The following DIS3L2 variants were observed in gnomAD, a reference collection of about 807,000 sequenced individuals.
The protein encoded by DIS3L2 is DIS3-like exonuclease 2.
Under a neutral mutation model 97.5 loss-of-function variants are expected in DIS3L2, and 34 were observed. That is an observed-to-expected ratio of 0.35 (90% confidence interval 0.27 to 0.46). DIS3L2 has a LOEUF of 0.46. Among genes scored for constraint, DIS3L2 ranks in the 20% least tolerant of loss-of-function variants. The pLI is 1.00. For missense variants in DIS3L2, 1,038 were observed against 1,146.0 expected (o/e 0.91, Z 1.36); for synonymous variants, 435 against 445.2 (o/e 0.98, Z 0.29).
At chr2:232,317,158 G>A (rs1268856100) in intron 14 of DIS3L2, among the ~76,000 whole-genome samples, 1 of 152,214 alleles carries the variant, frequency 6.6e-6, no homozygotes, top group Non-Finnish European at 1.5e-5. Flanking sequence ...GAGAATGTGT[G>A]TGAAAGGCTT....
At chr2:232,157,889 G>A (rs1333659592) in intron 8 of DIS3L2, among the ~76,000 whole-genome samples, 5 of 152,320 alleles carry the variant, frequency 3.3e-5, no homozygotes, top group Non-Finnish European at 4.4e-5. Flanking sequence ...ATACACGGGC[G>A]CAGGCCATCC....
At chr2:232,271,783 T>G (rs1694013327) in intron 13 of DIS3L2, among the ~76,000 whole-genome samples, 1 of 152,130 alleles carries the variant, frequency 6.6e-6, no homozygotes, top group Non-Finnish European at 1.5e-5. Context: ...TCCCTGAGCT[T>G]TGGGGAGAAC....
At chr2:232,136,872 T>A in intron 8 of DIS3L2, 153 bp downstream of exon 8, 1 of 950,802 alleles carries the variant, frequency 1.1e-6, no homozygotes, top group Non-Finnish European at 1.5e-6. Flanking sequence ...AAGTCACTCT[T>A]AGCTGCCACC....
In DIS3L2 at chr2:232,132,259, T is replaced by C. The variant is rs533223686; in HGVS notation, c.702+1540T>C. ...GCACTTGCCTGCGAAACTTATGCTA[T>C]GGTAGAGTCATTTCCATGACAATTA... On this transcript the variant is annotated intron_variant, in intron 7 of 20. Coordinates refer to ENST00000325385, the MANE Select transcript of DIS3L2 (RefSeq NM_152383.5). Among the ~76,000 whole-genome samples the C allele has an allele frequency of 2.3e-3, 347 of 152,314 alleles. 4 individuals are homozygous for C. Among genetic ancestry groups the C allele is most frequent in the African/African-American group, 8.2e-3 (340 of 41,562 alleles).
chr2:232,122,749 G>GACA (rs374604424), intron 6 of DIS3L2, among the ~76,000 whole-genome samples: 19 of 151,926 alleles, frequency 1.3e-4, no homozygotes, highest in East Asian at 5.8e-4. Flanking sequence ...AACTCCAAGA[G>GACA]ACAACAACAA....
In DIS3L2 at chr2:232,092,804, G is replaced by A. The variant is rs533963599; in HGVS notation, c.601+5083G>A. ...ATAGTTTTTTGGTGAAGTCTTTAGG[G>A]TTTTCCAAATATAAGATCATACCAT... On this transcript the variant is annotated intron_variant, in intron 6 of 20. Coordinates refer to ENST00000325385, the MANE Select transcript of DIS3L2 (RefSeq NM_152383.5). Among the ~76,000 whole-genome samples the A allele has an allele frequency of 2.6e-5, 4 of 152,182 alleles. No individual in the cohort carries two copies. In the South Asian group the frequency reaches 6.2e-4, roughly 24 times the overall value.
chr2:232,136,923 C>A (rs1698376418), intron 8 of DIS3L2, among the ~76,000 whole-genome samples: 1 of 152,208 alleles, frequency 6.6e-6, no homozygotes, highest in Non-Finnish European at 1.5e-5. Flanking sequence ...ACCAGGCAGT[C>A]ACATTCTTGT....
intron 9 of DIS3L2, among the ~76,000 whole-genome samples, chr2:232,192,781 A>G (rs1489628201): frequency 6.6e-6 from 1 of 152,172 alleles, no homozygotes; most frequent in Non-Finnish European, 1.5e-5. Context: ...TGCATTAATT[A>G]AGACTTTTTT....
At chr2:232,088,313 G>A (rs972434103) in intron 6 of DIS3L2, among the ~76,000 whole-genome samples, 4 of 150,752 alleles carry the variant, frequency 2.7e-5, no homozygotes, top group Non-Finnish European at 5.9e-5. Context: ...TTGGGAGGCC[G>A]AGGTGGGCGG....
chr2:232,160,166 A>G (rs1690609262), intron 8 of DIS3L2, among the ~76,000 whole-genome samples: 1 of 152,192 alleles, frequency 6.6e-6, no homozygotes, highest in African/African-American at 2.4e-5. Flanking sequence ...TCTTTATTCT[A>G]GAAGAGTTTA....
chr2:232,339,737 A>C (rs774572959), downstream of DIS3L2: 2 of 455,800 alleles, frequency 4.4e-6, no homozygotes, highest in Admixed American at 4.7e-5. Context: ...TGGACGAGAG[A>C]GCCGGGCCTG....
intron 6 of DIS3L2, among the ~76,000 whole-genome samples, chr2:232,098,045 A>G (rs562473320): frequency 1.3e-5 from 2 of 152,272 alleles, no homozygotes; most frequent in Admixed American, 1.3e-4. Flanking sequence ...TAGAAATGTC[A>G]TCAGTGGAAA....
chr2:232,062,922 C>G (rs957605372), intron 5 of DIS3L2, among the ~76,000 whole-genome samples: 2 of 152,096 alleles, frequency 1.3e-5, no homozygotes, highest in Non-Finnish European at 2.9e-5. Flanking sequence ...TAACACAACA[C>G]CATAGGGTTT....
chr2:232,148,257 C>A (rs1433906440), intron 8 of DIS3L2, among the ~76,000 whole-genome samples: 1 of 152,022 alleles, frequency 6.6e-6, no homozygotes, highest in Non-Finnish European at 1.5e-5. Flanking sequence ...CCATGTTGGC[C>A]AGGATAGTCT....
chr2:232,035,101 T>TA (rs1282766557), intron 5 of DIS3L2, among the ~76,000 whole-genome samples: 2 of 152,202 alleles, frequency 1.3e-5, no homozygotes, highest in Non-Finnish European at 2.9e-5. Flanking sequence ...AGTGGGGTGT[T>TA]AAAGTCTCCC....
At chr2:232,137,538 T>C (rs1295657468) in intron 8 of DIS3L2, among the ~76,000 whole-genome samples, 1 of 152,214 alleles carries the variant, frequency 6.6e-6, no homozygotes, top group Non-Finnish European at 1.5e-5. Context: ...TTGTTGGTCA[T>C]CTAACTTGTA....
At chr2:232,183,051 A>G (rs1224143893) in intron 9 of DIS3L2, among the ~76,000 whole-genome samples, 1 of 152,202 alleles carries the variant, frequency 6.6e-6, no homozygotes, top group Non-Finnish European at 1.5e-5. Context: ...TAGAGCCCTC[A>G]TGAACGGGAT....
intron 10 of DIS3L2, among the ~76,000 whole-genome samples, chr2:232,229,397 G>A (rs767589118): frequency 2.6e-5 from 4 of 152,150 alleles, no homozygotes; most frequent in African/African-American, 7.2e-5. Context: ...GGGCTTCACT[G>A]TCTTTTGGCT....
intron 8 of DIS3L2, among the ~76,000 whole-genome samples, chr2:232,160,713 C>T (rs370028667): frequency 6.6e-6 from 1 of 151,760 alleles, no homozygotes; most frequent in South Asian, 2.1e-4. Context: ...CCCATCTCTA[C>T]AAAAAATACA....
Sources: allele counts gnomAD v4.1 joint callset (sites outside exome capture counted in the v4.1 genomes callset), GRCh38; gene constraint gnomAD v4.1.1; transcripts MANE v1.5; gene names NCBI Gene and HGNC (gene_info 2026-07-23, HGNC 2026-07-21).